RBFOX1: variants seen among roughly 807,000 people sequenced by gnomAD.
The protein encoded by RBFOX1 is RNA binding protein fox-1 homolog 1.
Under a neutral mutation model 57.7 loss-of-function variants are expected in RBFOX1, and 8 were observed. The ratio of observed to expected loss-of-function variants is 0.14; its 90% confidence interval spans 0.08 to 0.25. The LOEUF (loss-of-function observed/expected upper bound fraction) is 0.25, where lower values mean the gene tolerates loss of function less well. Ranked by LOEUF, RBFOX1 falls within the 10% of genes least tolerant of loss-of-function variation. RBFOX1 has a pLI of 1.00. For missense variants in RBFOX1, 611 were observed against 548.5 expected, an observed-to-expected ratio of 1.11 and a Z score of -1.14; for synonymous variants, 326 against 222.4, an observed-to-expected ratio of 1.47 and a Z score of -4.15.
intron 2 of RBFOX1, among the ~76,000 whole-genome samples, chr16:6,592,994 A>G (rs1211081692): frequency 6.6e-6 from 1 of 152,104 alleles, no homozygotes; most frequent in East Asian, 1.9e-4. Flanking sequence ...GGAGTTCACG[A>G]CTAGCCCGGC....
chr16:7,289,281 C>A lies in RBFOX1; in HGVS notation c.28-228866C>A, dbSNP rs565787116. Among the ~76,000 whole-genome samples, 11 of 152,250 alleles carry A rather than the reference C, an allele frequency of 7.2e-5. No homozygotes were observed. In the South Asian group the frequency reaches 2.3e-3, roughly 32 times the overall value. Reference sequence around the variant, plus strand: ...CTTAGAAAGATTAAAGAGATGGCTCCCTTTGTTTCTAGCCTAAGAGAACAG... The same window carrying A: ...CTTAGAAAGATTAAAGAGATGGCTCACTTTGTTTCTAGCCTAAGAGAACAG... On this transcript the variant is annotated intron_variant, in intron 4 of 15. Coordinates refer to ENST00000550418, the MANE Select transcript of RBFOX1 (RefSeq NM_018723.4).
intron 2 of RBFOX1, among the ~76,000 whole-genome samples, chr16:6,529,619 G>C (rs1292522525): frequency 6.6e-6 from 1 of 151,722 alleles, no homozygotes; most frequent in East Asian, 1.9e-4. Flanking sequence ...CATTGAGTCA[G>C]CTGTTTTCAC....
intron 3 of RBFOX1, among the ~76,000 whole-genome samples, chr16:6,680,274 CTTTT>C (rs1180378585): frequency 9.0e-5 from 8 of 88,934 alleles, no homozygotes; most frequent in East Asian, 3.2e-4. Context: ...TTCTCTCTCT[CTTTT>C]TTTTTTTTTT....
chr16:7,239,261 G>A (rs2040873276), intron 4 of RBFOX1, among the ~76,000 whole-genome samples: 1 of 152,178 alleles, frequency 6.6e-6, no homozygotes, highest in African/African-American at 2.4e-5. Flanking sequence ...CAATTTAGGA[G>A]GCCAAGGAGG....
At chr16:7,231,288 A>C (rs1022252400) in intron 4 of RBFOX1, among the ~76,000 whole-genome samples, 1 of 152,202 alleles carries the variant, frequency 6.6e-6, no homozygotes, top group Non-Finnish European at 1.5e-5. Context: ...GTCTTGTACC[A>C]TGTGTTTATC....
At chr16:6,576,148 C>A (rs1488036358) in intron 2 of RBFOX1, among the ~76,000 whole-genome samples, 2 of 152,084 alleles carry the variant, frequency 1.3e-5, no homozygotes, top group African/African-American at 4.8e-5. Flanking sequence ...TTTTATTTGG[C>A]AGTCGTGAGT....
intron 4 of RBFOX1, among the ~76,000 whole-genome samples, chr16:7,392,494 C>G (rs552715931): frequency 6.6e-6 from 1 of 152,196 alleles, no homozygotes; most frequent in East Asian, 1.9e-4. Flanking sequence ...ATGGTCCTAC[C>G]AAAACCAGTG....
chr16:7,568,150 G>A (rs11643049), intron 5 of RBFOX1, among the ~76,000 whole-genome samples: 73,434 of 151,942 alleles, frequency 0.48, 18,064 homozygotes, highest in South Asian at 0.69. Context: ...TCCATCAAGT[G>A]AAGTAAAAAT....
At chr16:6,861,405 C>G (rs907283949) in intron 3 of RBFOX1, among the ~76,000 whole-genome samples, 12 of 152,132 alleles carry the variant, frequency 7.9e-5, no homozygotes, top group Non-Finnish European at 1.3e-4. Context: ...AAGCAGTTCC[C>G]TAATGTCTTT....
intron 2 of RBFOX1, among the ~76,000 whole-genome samples, chr16:6,325,883 A>G (rs947856519): frequency 1.3e-5 from 2 of 152,232 alleles, no homozygotes; most frequent in Admixed American, 1.3e-4. Context: ...TCCTTGCTTC[A>G]GAAAATACCA....
intron 2 of RBFOX1, among the ~76,000 whole-genome samples, chr16:6,516,130 G>C (rs2096373053): frequency 1.3e-5 from 2 of 152,178 alleles, no homozygotes; most frequent in African/African-American, 4.8e-5. Context: ...CCAGGTTCAA[G>C]CAGTTCTTCT....
At chr16:6,748,564 G>A (rs1603512833) in intron 3 of RBFOX1, among the ~76,000 whole-genome samples, 1 of 152,294 alleles carries the variant, frequency 6.6e-6, no homozygotes, top group Non-Finnish European at 1.5e-5. Context: ...TTGGGAGGCT[G>A]AAGTGGATCT....
At chr16:5,722,192 G>T (rs147924913) in intron 3 of RBFOX1, among the ~76,000 whole-genome samples, 58 of 152,324 alleles carry the variant, frequency 3.8e-4, no homozygotes, top group African/African-American at 1.3e-3. Flanking sequence ...AATAGGGTTT[G>T]TTAATTACAG....
chr16:7,130,948 G>A (rs887730830), intron 4 of RBFOX1, among the ~76,000 whole-genome samples: 1 of 152,168 alleles, frequency 6.6e-6, no homozygotes, highest in East Asian at 1.9e-4. Flanking sequence ...TAGAGAAGGT[G>A]CACCACCTAT....
At chr16:6,876,883 A>G (rs2061946753) in intron 3 of RBFOX1, among the ~76,000 whole-genome samples, 1 of 152,204 alleles carries the variant, frequency 6.6e-6, no homozygotes, top group Non-Finnish European at 1.5e-5. Flanking sequence ...TGTAAATGCA[A>G]AAGTGCTTTT....
At chr16:6,476,708 T>A (rs1304722842) in intron 2 of RBFOX1, among the ~76,000 whole-genome samples, 1 of 152,164 alleles carries the variant, frequency 6.6e-6, no homozygotes, top group African/African-American at 2.4e-5. Context: ...GGCAATCTCT[T>A]AAAATGAGGA....
intron 3 of RBFOX1, among the ~76,000 whole-genome samples, chr16:6,958,528 A>C (rs892311742): frequency 3.3e-5 from 5 of 152,210 alleles, no homozygotes; most frequent in African/African-American, 1.2e-4. Context: ...ATAACAGAGG[A>C]AACACATGGA....
chr16:6,281,511 C>A (rs1406775477), intron 1 of RBFOX1, among the ~76,000 whole-genome samples: 1 of 151,974 alleles, frequency 6.6e-6, no homozygotes, highest in Non-Finnish European at 1.5e-5. Context: ...GTGTGGGCCC[C>A]AAAGTGCTTT....
intron 4 of RBFOX1, among the ~76,000 whole-genome samples, chr16:7,227,927 C>T (rs981097798): frequency 2.6e-5 from 4 of 152,198 alleles, no homozygotes; most frequent in African/African-American, 9.7e-5. Flanking sequence ...GATTTTTCCA[C>T]AGCCAGACAA....
Sources: allele counts gnomAD v4.1 joint callset (sites outside exome capture counted in the v4.1 genomes callset), GRCh38; gene constraint gnomAD v4.1.1; transcripts MANE v1.5; gene names NCBI Gene and HGNC (gene_info 2026-07-23, HGNC 2026-07-21).